The following ROBO1 variants were observed in gnomAD, a reference collection of about 807,000 sequenced individuals.
The protein encoded by ROBO1 is roundabout guidance receptor 1.
ROBO1 carries 149 observed loss-of-function variants against 195.9 expected under a neutral mutation model. The ratio of observed to expected loss-of-function variants is 0.76; its 90% CI spans 0.67 to 0.87. The LOEUF (loss-of-function observed/expected upper bound fraction) is 0.87, where lower values mean the gene tolerates loss of function less well. Ranked by LOEUF, ROBO1 falls within the 40% of genes least tolerant of loss-of-function variation. ROBO1 has a pLI of 0.00. For missense variants in ROBO1, 1,933 were observed against 2,068.3 expected, an observed-to-expected ratio of 0.93 and a Z score of 1.27; for synonymous variants, 816 against 733.2, an observed-to-expected ratio of 1.11 and a Z score of -1.82.
At chr3:79,016,372 T>C (rs544304033) in intron 3 of ROBO1, among the ~76,000 whole-genome samples, 4 of 152,288 alleles carry the variant, frequency 2.6e-5, no homozygotes, top group Admixed American at 6.5e-5. Flanking sequence ...GGCACACCTA[T>C]AGGAAAAACT....
At chr3:79,063,383 T>TAAAAAC (rs1559632512) in intron 3 of ROBO1, among the ~76,000 whole-genome samples, 1 of 151,928 alleles carries the variant, frequency 6.6e-6, no homozygotes, top group Non-Finnish European at 1.5e-5. Context: ...TGTTTCATCT[T>TAAAAAC]AAAAAGACAA....
chr3:79,619,926 A>G (rs1944951370), intron 1 of ROBO1, among the ~76,000 whole-genome samples: 1 of 152,174 alleles, frequency 6.6e-6, no homozygotes, highest in Non-Finnish European at 1.5e-5. Context: ...GGTGTACAAT[A>G]TAGAGAACAG....
chr3:79,733,156 C>G (rs1374606656), intron 1 of ROBO1, among the ~76,000 whole-genome samples: 1 of 152,094 alleles, frequency 6.6e-6, no homozygotes, highest in Admixed American at 6.6e-5. Context: ...TTTTTACCTC[C>G]TAAAACTTTG....
At position 79,658,064 on chromosome 3, in the gene ROBO1, T is replaced by A. The variant is rs1440086058; in HGVS notation, c.-50-68103A>T. 2.0e-5 allele frequency among the ~76,000 whole-genome samples: 3 copies of A among 152,248 alleles called. 1 individual carries two copies. Among genetic ancestry groups the A allele is most frequent in the African/African-American group, 7.2e-5 (3 of 41,578 alleles). On this transcript the variant is annotated intron_variant, in intron 1 of 30. Coordinates refer to ENST00000464233, the MANE Select transcript of ROBO1 (RefSeq NM_002941.4). The stretch of plus-strand genomic sequence containing the variant: ...CAGGTAAGAAAAAGATTATTTAAAA[T>A]GATAGTCAAAGTAAAAATATACACA...
intron 3 of ROBO1, among the ~76,000 whole-genome samples, chr3:78,945,333 C>T (rs996478607): frequency 6.6e-6 from 1 of 152,142 alleles, no homozygotes; most frequent in African/African-American, 2.4e-5. Context: ...TCCAGAGGAA[C>T]AATCAGACAG....
At chr3:78,909,555 C>T (rs1227609183) in intron 4 of ROBO1, among the ~76,000 whole-genome samples, 1 of 151,776 alleles carries the variant, frequency 6.6e-6, no homozygotes, top group African/African-American at 2.4e-5. Context: ...TACATTTTTG[C>T]AAGAAACCTT....
intron 1 of ROBO1, among the ~76,000 whole-genome samples, chr3:79,729,419 A>G (rs1703055530): frequency 6.6e-6 from 1 of 152,174 alleles, no homozygotes. Context: ...CATATGAAGT[A>G]AAAGGAAAAC....
chr3:79,582,319 T>A (rs2107792451), intron 2 of ROBO1, among the ~76,000 whole-genome samples: 1 of 151,952 alleles, frequency 6.6e-6, no homozygotes, highest in South Asian at 2.1e-4. Context: ...ATTCAGTGAA[T>A]AATTTTTAGC....
chr3:79,059,786 T>C (rs1445564768), intron 3 of ROBO1, among the ~76,000 whole-genome samples: 2 of 152,046 alleles, frequency 1.3e-5, no homozygotes, highest in Non-Finnish European at 2.9e-5. Context: ...AGGATGTATG[T>C]TGCCTCAGGA....
At chr3:79,574,082 A>T (rs1369604714) in intron 2 of ROBO1, among the ~76,000 whole-genome samples, 1 of 152,100 alleles carries the variant, frequency 6.6e-6, no homozygotes, top group Non-Finnish European at 1.5e-5. Flanking sequence ...TCTTTAAAAA[A>T]ATTTTAGGGT....
rs115657591 is a variant in ROBO1, at chr3:79,393,563, A to G, written c.88+196261T>C. ...TCCTGGAATCTTCAGAAGAGAAAAT[A>G]TCAACATTTTTGAGAATGGGTGAAG... On this transcript the variant is annotated intron_variant, in intron 2 of 30. Coordinates refer to ENST00000464233, the MANE Select transcript of ROBO1 (RefSeq NM_002941.4). Among the ~76,000 whole-genome samples the G allele has an allele frequency of 2.5e-3, 381 of 152,308 alleles. 2 individuals are homozygous for G. The highest frequency in any genetic ancestry group is 8.6e-3 in the African/African-American group (356 of 41,568).
chr3:79,221,359 A>G (rs2082135451), intron 2 of ROBO1, among the ~76,000 whole-genome samples: 3 of 152,160 alleles, frequency 2.0e-5, no homozygotes, highest in Admixed American at 1.3e-4. Flanking sequence ...TACATGAATT[A>G]TAAGATATTT....
intron 3 of ROBO1, among the ~76,000 whole-genome samples, chr3:78,948,373 T>C (rs201915221): frequency 2.6e-5 from 4 of 152,140 alleles, no homozygotes; most frequent in Admixed American, 1.3e-4. Context: ...CACAAATCAA[T>C]AAACGTAATC....
chr3:78,754,321 A>AT (rs1461684732), intron 4 of ROBO1, among the ~76,000 whole-genome samples: 1 of 152,188 alleles, frequency 6.6e-6, no homozygotes, highest in Non-Finnish European at 1.5e-5. Context: ...CAAAAGTCAC[A>AT]CTCAGGAGTA....
chr3:78,766,430 T>G (rs756998361), intron 4 of ROBO1, among the ~76,000 whole-genome samples: 1 of 152,152 alleles, frequency 6.6e-6, no homozygotes, highest in Non-Finnish European at 1.5e-5. Flanking sequence ...TCGCTGTTGG[T>G]GTATAGAAGA....
At position 78,617,621 on chromosome 3, in the gene ROBO1, G is replaced by A; in HGVS notation, c.4282+14C>T. 1 of 1,595,478 alleles carries A rather than the reference G, an allele frequency of 6.3e-7. No individual in the cohort carries two copies. Among genetic ancestry groups the A allele is most frequent in the Non-Finnish European group, 8.5e-7 (1 of 1,170,612 alleles). On this transcript the variant is annotated intron_variant, in intron 27 of 30. Coordinates refer to ENST00000464233, the MANE Select transcript of ROBO1 (RefSeq NM_002941.4). ...GTTTTCTTTCCCAGCTTGGTGAAAAGTGTTAGGACTCACCAGCAGCATCCT... is the reference window on the plus strand; with the variant it reads ...GTTTTCTTTCCCAGCTTGGTGAAAAATGTTAGGACTCACCAGCAGCATCCT...
intron 2 of ROBO1, among the ~76,000 whole-genome samples, chr3:79,381,160 C>T (rs2036554511): frequency 6.6e-6 from 1 of 151,808 alleles, no homozygotes; most frequent in Admixed American, 6.6e-5. Flanking sequence ...AGATGGAGAG[C>T]ATCCTGGCCA....
chr3:79,529,941 T>A (rs1454633772), intron 2 of ROBO1, among the ~76,000 whole-genome samples: 4 of 152,182 alleles, frequency 2.6e-5, no homozygotes, highest in African/African-American at 9.6e-5. Flanking sequence ...TTCTTTGTAT[T>A]CATAGAACAA....
intron 2 of ROBO1, among the ~76,000 whole-genome samples, chr3:79,447,553 T>A (rs1289282211): frequency 1.3e-5 from 2 of 152,198 alleles, no homozygotes; most frequent in African/African-American, 4.8e-5. Context: ...TTGCTTTATA[T>A]CTTAGATTGT....
Sources: gnomAD v4.1 joint callset for allele counts (sites outside exome capture counted in the v4.1 genomes callset) on GRCh38, gnomAD v4.1.1 for gene constraint, MANE v1.5 for transcripts, NCBI Gene and HGNC (gene_info 2026-07-23, HGNC 2026-07-21) for gene names.